DMGDH: variants seen among roughly 807,000 people sequenced by gnomAD.
DMGDH encodes the protein dimethylglycine dehydrogenase.
Under a neutral mutation model 95.2 loss-of-function variants are expected in DMGDH, and 76 were observed. The ratio of observed to expected loss-of-function variants is 0.80; its 90% CI spans 0.66 to 0.97. The LOEUF (loss-of-function observed/expected upper bound fraction) is 0.97, where lower values mean the gene tolerates loss of function less well. DMGDH is among the 50% of genes least tolerant of loss of function. DMGDH has a pLI of 0.00. For missense variants in DMGDH, 987 were observed against 1,055.0 expected (o/e 0.94, Z 0.89); for synonymous variants, 345 against 377.6 (o/e 0.91, Z 1.00).
At chr5:79,058,491 T>A (rs886703904) in intron 2 of DMGDH, among the ~76,000 whole-genome samples, 1 of 152,196 alleles carries the variant, frequency 6.6e-6, no homozygotes, top group Non-Finnish European at 1.5e-5. Flanking sequence ...TCTGAGGTTA[T>A]GAAACTTTCA....
intron 15 of DMGDH, among the ~76,000 whole-genome samples, chr5:79,004,191 T>C (rs1753504459): frequency 6.6e-6 from 1 of 152,136 alleles, no homozygotes; most frequent in Non-Finnish European, 1.5e-5. Context: ...AATGATCATA[T>C]ATATCTGACA....
chr5:79,035,091 G>T (rs1159689000), intron 7 of DMGDH, among the ~76,000 whole-genome samples: 1 of 145,764 alleles, frequency 6.9e-6, no homozygotes. Context: ...CTTTCTCAAA[G>T]AGAATAAAAA....
chr5:79,018,509 G>T (rs1753788060), intron 14 of DMGDH, among the ~76,000 whole-genome samples: 2 of 151,914 alleles, frequency 1.3e-5, no homozygotes. Context: ...CTGGGGGGTA[G>T]GTGAGGCTGT....
At chr5:79,049,048 G>A (rs562157751) in intron 5 of DMGDH, among the ~76,000 whole-genome samples, 1 of 152,240 alleles carries the variant, frequency 6.6e-6, no homozygotes, top group Non-Finnish European at 1.5e-5. Flanking sequence ...TCCATGCAGG[G>A]CCACACTGTC....
At chr5:79,001,539 G>C (rs1198960075) in intron 15 of DMGDH, among the ~76,000 whole-genome samples, 1 of 152,100 alleles carries the variant, frequency 6.6e-6, no homozygotes, top group Non-Finnish European at 1.5e-5. Context: ...ATTTGGGTTT[G>C]GAGCCCTGGA....
chr5:79,059,546 C>T (rs1755137106), intron 2 of DMGDH, among the ~76,000 whole-genome samples: 1 of 152,178 alleles, frequency 6.6e-6, no homozygotes, highest in Non-Finnish European at 1.5e-5. Flanking sequence ...GGAACAAATC[C>T]TGTTGAAACT....
At chr5:79,064,439 C>T (rs1755311160) in intron 1 of DMGDH, among the ~76,000 whole-genome samples, 1 of 152,092 alleles carries the variant, frequency 6.6e-6, no homozygotes, top group Non-Finnish European at 1.5e-5. Context: ...GGAAGTTGCT[C>T]TAGATGAGTC....
intron 15 of DMGDH, chr5:79,000,590 G>A (rs940549261): frequency 3.0e-5 from 18 of 607,588 alleles, no homozygotes; most frequent in African/African-American, 2.4e-4. Context: ...CTTTCTGGCT[G>A]ACATGCAAAA....
intron 12 of DMGDH, 115 bp downstream of exon 12, chr5:79,028,318 A>G (rs1302627498): frequency 1.1e-6 from 1 of 871,060 alleles, no homozygotes; most frequent in Non-Finnish European, 1.8e-6. Context: ...GTGAGTGTGC[A>G]CATGCATACA....
At chr5:79,061,363 C>CT (rs1755207620) in intron 2 of DMGDH, among the ~76,000 whole-genome samples, 1 of 152,022 alleles carries the variant, frequency 6.6e-6, no homozygotes, top group African/African-American at 2.4e-5. Flanking sequence ...GGACAACTGT[C>CT]TTTTATTCCA....
In DMGDH at chr5:79,024,261, G is replaced by A; in HGVS notation, c.2250+10C>T. 2.5e-6 allele frequency: 4 copies of A among 1,611,066 alleles called. No individual in the cohort carries two copies. Among genetic ancestry groups the A allele is most frequent in the Non-Finnish European group, 3.4e-6 (4 of 1,177,460 alleles). On this transcript the variant is annotated intron_variant, in intron 14 of 15. Transcript: ENST00000255189. ...ATTTACTTCAAGCACACTTTGGAATGTAAACATACCTTATTTAACTTCACA... is the reference window on the plus strand; with the variant it reads ...ATTTACTTCAAGCACACTTTGGAATATAAACATACCTTATTTAACTTCACA...
At chr5:79,046,348 T>G (rs944423759) in intron 5 of DMGDH, among the ~76,000 whole-genome samples, 2 of 152,034 alleles carry the variant, frequency 1.3e-5, no homozygotes, top group Non-Finnish European at 2.9e-5. Context: ...GCTCCCAAAG[T>G]GCTGGGATCA....
intron 5 of DMGDH, 97 bp from the exon 6 acceptor site, chr5:79,044,649 C>T: frequency 1.5e-6 from 2 of 1,378,396 alleles, no homozygotes; most frequent in Non-Finnish European, 2.0e-6. Context: ...GTTTAGAAGG[C>T]TTAAGTACTC....
chr5:79,050,011 C>A (rs1216177656), intron 5 of DMGDH, among the ~76,000 whole-genome samples: 4 of 151,870 alleles, frequency 2.6e-5, no homozygotes, highest in African/African-American at 9.7e-5. Context: ...AATCCTAGCA[C>A]TTTGGGAGGC....
chr5:79,040,398 G>A (rs1437407417), intron 7 of DMGDH, among the ~76,000 whole-genome samples: 1 of 152,146 alleles, frequency 6.6e-6, no homozygotes, highest in Admixed American at 6.6e-5. Context: ...GGGACAACTG[G>A]CTATACATAT....
chr5:79,000,787 T>C, intron 15 of DMGDH: 2 of 636,096 alleles, frequency 3.1e-6, no homozygotes, highest in South Asian at 1.7e-5. Flanking sequence ...AAACTTAGCC[T>C]GGATCCCAGG....
intron 1 of DMGDH, among the ~76,000 whole-genome samples, chr5:79,067,855 A>G (rs1021562594): frequency 6.6e-6 from 1 of 152,202 alleles, no homozygotes; most frequent in Non-Finnish European, 1.5e-5. Flanking sequence ...AAAATAAAAC[A>G]TTTTTTGATA....
rs555994906 is a variant in DMGDH at position 78,999,829 on chromosome 5, G to C, written c.2386-1532C>G. Among the ~76,000 whole-genome samples the C allele has an allele frequency of 2.1e-4, 32 of 151,636 alleles. 1 individual carries two copies. Among genetic ancestry groups the C allele is most frequent in the African/African-American group, 7.7e-4 (32 of 41,374 alleles). On this transcript the variant is annotated intron_variant, in intron 15 of 15. Coordinates refer to ENST00000255189, the MANE Select transcript of DMGDH (RefSeq NM_013391.3). ...GATCATAGTTCAGTGATACAGGCAG[G>C]GATTAGGGTCAGAGAGGTTAGAATT...
intron 14 of DMGDH, chr5:79,021,792 C>G (rs570449000): frequency 3.5e-6 from 4 of 1,153,346 alleles, no homozygotes; most frequent in Middle Eastern, 2.3e-4. Context: ...AATTCTTGGG[C>G]AGTCTTTCAA....
Sources: gnomAD v4.1 joint callset for allele counts (sites outside exome capture counted in the v4.1 genomes callset) on GRCh38, gnomAD v4.1.1 for gene constraint, MANE v1.5 for transcripts, NCBI Gene and HGNC (gene_info 2026-07-23, HGNC 2026-07-21) for gene names.